TMEM120B: variants seen among roughly 807,000 people sequenced by gnomAD.
TMEM120B encodes the protein transmembrane protein 120B.
Under a neutral mutation model 55.5 loss-of-function variants are expected in TMEM120B, and 31 were observed. The observed-to-expected ratio is 0.56, with a 90% CI of 0.42 to 0.75. The LOEUF (loss-of-function observed/expected upper bound fraction) is 0.75. TMEM120B is among the 30% of genes least tolerant of loss of function. The pLI is 0.00. For missense variants in TMEM120B, 399 were observed against 425.5 expected (o/e 0.94, Z 0.55); for synonymous variants, 203 against 176.3 (o/e 1.15, Z -1.20).
chr12:121,714,800 T>G (rs1304017616), intron 1 of TMEM120B, among the ~76,000 whole-genome samples: 6 of 151,430 alleles, frequency 4.0e-5, no homozygotes. Flanking sequence ...GACCTCGTGA[T>G]CTGCCTGCCT....
intron 1 of TMEM120B, among the ~76,000 whole-genome samples, chr12:121,734,054 G>A (rs755561855): frequency 3.7e-4 from 56 of 152,086 alleles, no homozygotes; most frequent in Non-Finnish European, 2.6e-4. Context: ...AGAGGGCGGC[G>A]TGGCCCAGGG....
chr12:121,772,586 G>T (rs140179340), intron 8 of TMEM120B, among the ~76,000 whole-genome samples: 1 of 151,778 alleles, frequency 6.6e-6, no homozygotes, highest in Non-Finnish European at 1.5e-5. Context: ...CACCATGCCT[G>T]GTTACTTTTT....
At chr12:121,761,984 C>A (rs1566522184) in intron 6 of TMEM120B, among the ~76,000 whole-genome samples, 1 of 152,060 alleles carries the variant, frequency 6.6e-6, no homozygotes, top group Non-Finnish European at 1.5e-5. Context: ...CAATAAGAAA[C>A]ATATTTTCTC....
chr12:121,767,304 G>GCACC (rs1383345183), intron 6 of TMEM120B, among the ~76,000 whole-genome samples: 3 of 152,202 alleles, frequency 2.0e-5, no homozygotes, highest in African/African-American at 7.2e-5. Flanking sequence ...GGGACTACAG[G>GCACC]CACCCGCCAC....
chr12:121,769,872 A>G (rs967697502), intron 6 of TMEM120B, among the ~76,000 whole-genome samples: 3 of 152,172 alleles, frequency 2.0e-5, no homozygotes, highest in African/African-American at 7.2e-5. Flanking sequence ...GGCAGATCAC[A>G]GGAAGAAAGG....
chr12:121,753,208 C>A (rs932905370), intron 5 of TMEM120B, among the ~76,000 whole-genome samples: 1 of 152,092 alleles, frequency 6.6e-6, no homozygotes, highest in African/African-American at 2.4e-5. Flanking sequence ...GAACCAGTCA[C>A]AAAAAGATAC....
chr12:121,771,956 A>G (rs548370914), intron 8 of TMEM120B, among the ~76,000 whole-genome samples: 2 of 152,162 alleles, frequency 1.3e-5, no homozygotes, highest in Admixed American at 1.3e-4. Context: ...GGACAGGGAG[A>G]GCGTCTTACT....
At position 121,721,864 on chromosome 12, in the gene TMEM120B, A is replaced by G. The variant is rs1894797992; in HGVS notation, c.69+8900A>G. On this transcript the variant is annotated intron_variant, in intron 1 of 11. Transcript: ENST00000449592. ...TGCTCTGTCGCCCAGGCTGGAGTGC[A>G]GTGGCTCAATCTTAGCTCATTGCAA... Among the ~76,000 whole-genome samples the G allele has an allele frequency of 2.3e-5, 3 of 131,708 alleles. No homozygotes were observed. The South Asian group carries it at 7.3e-4, about 32-fold the overall frequency. 86.4% of individuals were successfully genotyped at this position (131,708 alleles called of 152,430 possible).
intron 1 of TMEM120B, among the ~76,000 whole-genome samples, chr12:121,715,092 C>G (rs1482843382): frequency 1.3e-5 from 2 of 152,070 alleles, no homozygotes; most frequent in Non-Finnish European, 2.9e-5. Flanking sequence ...AATTCCAGAA[C>G]TTTGGGAGAC....
intron 3 of TMEM120B, among the ~76,000 whole-genome samples, chr12:121,749,404 G>A (rs558236696): frequency 4.6e-5 from 7 of 152,342 alleles, no homozygotes; most frequent in Admixed American, 6.5e-5. Flanking sequence ...ACTCAAGGCC[G>A]GGCGCGGTGG....
At chr12:121,713,175 C>G (rs762920668) in intron 1 of TMEM120B, among the ~76,000 whole-genome samples, 1 of 152,162 alleles carries the variant, frequency 6.6e-6, no homozygotes, top group African/African-American at 2.4e-5. Flanking sequence ...TCGCAGCCCC[C>G]TCTTCCGCCG....
At position 121,780,642 on chromosome 12, in the gene TMEM120B, T is replaced by C. The variant is rs1040895318; in HGVS notation, c.*4920T>C. On this transcript the variant is annotated 3_prime_UTR_variant, in exon 12 of 12. Transcript: ENST00000449592. Reference sequence around the variant, plus strand: ...CTCTCTGGGCCTCAGTTTCTCCCCCTGTAAACTGGGGGATGTGAACAGCGC... The same window carrying C: ...CTCTCTGGGCCTCAGTTTCTCCCCCCGTAAACTGGGGGATGTGAACAGCGC... 2.2e-5 allele frequency: 13 copies of C among 586,326 alleles called. No individual in the cohort carries two copies. The highest frequency in any genetic ancestry group is 3.3e-5 in the Non-Finnish European group (11 of 336,974). 36.3% of individuals were successfully genotyped at this position (586,326 alleles called of 1,614,324 possible). A position where few individuals can be genotyped will look rare whatever the true frequency, so the allele number is the denominator to read the frequency against.
intron 2 of TMEM120B, among the ~76,000 whole-genome samples, chr12:121,744,428 G>A (rs539756741): frequency 1.7e-4 from 26 of 152,348 alleles, no homozygotes; most frequent in African/African-American, 6.0e-4. Flanking sequence ...CCGGGTGAAA[G>A]TTGGGTGCTG....
chr12:121,780,915 C>A lies in TMEM120B; in HGVS notation c.*5193C>A, dbSNP rs778854758. The stretch of plus-strand genomic sequence containing the variant: ...CTCCAGCTGGGCGGCCCGGAGCTTC[C>A]GCAGCTGCTCCTTGTCCTTCCTCAG... On this transcript the variant is annotated 3_prime_UTR_variant, in exon 12 of 12. Coordinates refer to ENST00000449592, the MANE Select transcript of TMEM120B (RefSeq NM_001080825.2). 7.4e-6 allele frequency: 12 copies of A among 1,613,786 alleles called. No homozygotes were observed. Among genetic ancestry groups the A allele is most frequent in the Non-Finnish European group, 1.0e-5 (12 of 1,179,958 alleles).
intron 5 of TMEM120B, among the ~76,000 whole-genome samples, chr12:121,754,900 G>A (rs1873436388): frequency 6.6e-6 from 1 of 152,168 alleles, no homozygotes; most frequent in African/African-American, 2.4e-5. Flanking sequence ...AGCCTGCCCT[G>A]CTGTTTAACC....
At chr12:121,739,798 CTTTTTTTTTTTTTTTT>C (rs200085137) in intron 1 of TMEM120B, among the ~76,000 whole-genome samples, 1 of 99,214 alleles carries the variant, frequency 1.0e-5, no homozygotes, top group Non-Finnish European at 1.9e-5. Flanking sequence ...TGCAACACTT[CTTTTTTTTTTTTTTTT>C]TTTTTTTGAG....
chr12:121,743,920 T>A (rs1873007638), intron 2 of TMEM120B, among the ~76,000 whole-genome samples, 173 bp downstream of exon 2: 1 of 152,134 alleles, frequency 6.6e-6, no homozygotes, highest in African/African-American at 2.4e-5. Flanking sequence ...TATTTTTCCC[T>A]CTAAATTCTG....
intron 6 of TMEM120B, among the ~76,000 whole-genome samples, chr12:121,769,038 C>G (rs373547918): frequency 6.6e-6 from 1 of 150,678 alleles, no homozygotes. Context: ...CGCAGCTACT[C>G]GGGAGACTGA....
chr12:121,731,243 AC>A (rs1894997513), intron 1 of TMEM120B, among the ~76,000 whole-genome samples: 5 of 152,146 alleles, frequency 3.3e-5, no homozygotes, highest in Admixed American at 3.3e-4. Flanking sequence ...GTGTTTAGAT[AC>A]ATTTATTTAT....
Sources: gnomAD v4.1 joint callset for allele counts (sites outside exome capture counted in the v4.1 genomes callset) on GRCh38, gnomAD v4.1.1 for gene constraint, MANE v1.5 for transcripts, NCBI Gene and HGNC (gene_info 2026-07-23, HGNC 2026-07-21) for gene names.